PCDHGB3: variants seen among roughly 807,000 people sequenced by gnomAD.
PCDHGB3 encodes the protein protocadherin gamma subfamily B, 3.
Under a neutral mutation model 59.2 loss-of-function variants are expected in PCDHGB3, and 40 were observed. The ratio of observed to expected loss-of-function variants is 0.68; its 90% CI spans 0.52 to 0.88. The LOEUF is 0.88. Among genes scored for constraint, PCDHGB3 ranks in the 40% least tolerant of loss-of-function variants. PCDHGB3 has a pLI of 0.00. For synonymous variants in PCDHGB3, 581 were observed against 503.6 expected (o/e 1.15, Z -2.06); for missense variants, 1,309 against 1,187.9 (o/e 1.10, Z -1.50).
Position 141,510,964 on chromosome 5 carries a change from T to C in PCDHGB3, c.2581T>C (p.Ser861Pro), listed in dbSNP as rs1237904575. 6.2e-7 allele frequency: 1 copy of C among 1,614,084 alleles called. No individual in the cohort carries two copies. Among genetic ancestry groups the C allele is most frequent in the South Asian group, 1.1e-5 (1 of 91,082 alleles). The change falls in exon 4 of 4, where the codon TCC becomes CCC. Residue 861 changes from serine to proline, a missense_variant. Coordinates refer to ENST00000576222, the MANE Select transcript of PCDHGB3 (RefSeq NM_018924.5). ...CTCTGCAGAAGCTGCTGATGGGAGC[T>C]CCACCCTGGGAGGGGGTGCCGGCAC... is the stretch of plus-strand genomic sequence containing the variant. The part of the protein sequence containing the change: ...ASASEAADGS[S>P]TLGGGAGTMG...
At chr5:141,390,334 A>T (rs764594293) in intron 1 of PCDHGB3, 1 of 1,597,538 alleles carries the variant, frequency 6.3e-7, no homozygotes, top group Non-Finnish European at 8.5e-7. Flanking sequence ...ATTTCTCCAT[A>T]TTCACAAGAA....
chr5:141,421,970 A>C, intron 1 of PCDHGB3: 1 of 1,610,928 alleles, frequency 6.2e-7, no homozygotes, highest in Middle Eastern at 1.7e-4. Flanking sequence ...CAGTCCGTAT[A>C]TCGCGTGAGT....
rs755061180 is a variant in PCDHGB3 at position 141,370,594 on chromosome 5, G to A, written c.200G>A (p.Arg67Gln). ...GGGGATTTACCTACTAGGAACCTGC[G>A]GGTTATTGCAGAGAAGAAATTCTTT... Reference protein sequence around the residue: ...GVGDLPTRNLRVIAEKKFFTV... With the variant: ...GVGDLPTRNLQVIAEKKFFTV... The change falls in exon 1 of 4, where the codon CGG becomes CAG. Residue 67 changes from arginine to glutamine, a missense_variant. By Grantham distance (43) the Arg-to-Gln change is conservative (BLOSUM62 1). Coordinates refer to ENST00000576222, the MANE Select transcript of PCDHGB3 (RefSeq NM_018924.5). 2 of 1,613,892 alleles carry A rather than the reference G, an allele frequency of 1.2e-6. No individual in the cohort carries two copies. Among genetic ancestry groups the A allele is most frequent in the Admixed American group, 1.7e-5 (1 of 60,016 alleles).
Position 141,491,657 on chromosome 5 carries a change from A to T in PCDHGB3, c.2416-3150A>T. 1.2e-6 allele frequency: 2 copies of T among 1,613,740 alleles called. No homozygotes were observed. Among genetic ancestry groups the T allele is most frequent in the Non-Finnish European group, 1.7e-6 (2 of 1,180,006 alleles). On this transcript the variant is annotated intron_variant, in intron 1 of 3. Transcript: ENST00000576222. The surrounding 1 kb of genome is among the most constrained non-coding windows in gnomAD (Gnocchi z 6.9). ...CCCACAGCTCTGGCGCTGGAGCCTG[A>T]CGCCATCCGGTCCCGCTCTAATACG...
intron 1 of PCDHGB3, among the ~76,000 whole-genome samples, chr5:141,494,146 T>C (rs1167835696): frequency 1.3e-5 from 2 of 152,168 alleles, no homozygotes; most frequent in Non-Finnish European, 2.9e-5. Context: ...TCACAGACCA[T>C]TGTCTGGCAC....
intron 1 of PCDHGB3, chr5:141,404,551 G>A (rs764332245): frequency 1.9e-5 from 31 of 1,613,748 alleles, no homozygotes; most frequent in African/African-American, 1.1e-4. Flanking sequence ...TGCAGGTGAC[G>A]GCAAGTGACA....
chr5:141,445,363 T>C (rs186841717), intron 1 of PCDHGB3, among the ~76,000 whole-genome samples: 9 of 152,284 alleles, frequency 5.9e-5, no homozygotes. Context: ...CCAAGTCTGG[T>C]CCTGGGTGGT....
rs986276637 is a variant in PCDHGB3, at chr5:141,487,728, C to A, written c.2416-7079C>A. The A allele has an allele frequency of 3.2e-6, 5 of 1,570,444 alleles. No individual in the cohort carries two copies. The highest frequency in any genetic ancestry group is 2.3e-5 in the East Asian group (1 of 42,866). On this transcript the variant is annotated intron_variant, in intron 1 of 3. Transcript: ENST00000576222. The surrounding 1 kb of genome is among the most constrained non-coding windows in gnomAD (Gnocchi z 5.0). ...TCAGTAAGTGCCCATAGTGATGTCACCATTTTTGTAAGAGGTAACTATGTG... is the reference window on the plus strand; with the variant it reads ...TCAGTAAGTGCCCATAGTGATGTCAACATTTTTGTAAGAGGTAACTATGTG...
At chr5:141,396,954 C>G (rs2093459266) in intron 1 of PCDHGB3, among the ~76,000 whole-genome samples, 1 of 152,172 alleles carries the variant, frequency 6.6e-6, no homozygotes. Flanking sequence ...GAAAGAAAAT[C>G]CTTACTCTCC....
At chr5:141,505,579 G>A (rs1047837546) in intron 3 of PCDHGB3, 98 bp downstream of exon 3, 6 of 1,588,858 alleles carry the variant, frequency 3.8e-6, no homozygotes, top group Non-Finnish European at 4.3e-6. Flanking sequence ...TCAAACCTGT[G>A]TAGTTTCTCC....
chr5:141,477,890 C>T lies in PCDHGB3; in HGVS notation c.2416-16917C>T, dbSNP rs202114426. ...TACCTCAGCTGGCCACCTAGTGTCA[C>T]GGGTGGTAGGCTGGGACGCGGATGC... is the stretch of plus-strand genomic sequence containing the variant. On this transcript the variant is annotated intron_variant, in intron 1 of 3. Coordinates refer to ENST00000576222, the MANE Select transcript of PCDHGB3 (RefSeq NM_018924.5). This position sits in a 1 kb window ranked among gnomAD's most constrained non-coding sequence, Gnocchi z 4.9. 9.9e-6 allele frequency: 16 copies of T among 1,614,086 alleles called. No individual in the cohort carries two copies. Among genetic ancestry groups the T allele is most frequent in the Admixed American group, 1.7e-5 (1 of 60,006 alleles).
At chr5:141,458,891 G>A (rs775720263) in intron 1 of PCDHGB3, among the ~76,000 whole-genome samples, 10 of 151,976 alleles carry the variant, frequency 6.6e-5, no homozygotes, top group South Asian at 2.1e-4. Context: ...CACACCATGC[G>A]CAGCTAATTT....
intron 1 of PCDHGB3, chr5:141,479,399 T>C (rs2099494765): frequency 6.6e-6 from 1 of 152,576 alleles, no homozygotes; most frequent in African/African-American, 2.4e-5. Flanking sequence ...AGTTCTGGGC[T>C]GTGGTGCACT....
chr5:141,511,117 G>A lies in PCDHGB3; in HGVS notation c.2734G>A (p.Ala912Thr). Residue 912 changes from alanine to threonine, a missense_variant, in exon 4 of 4, where the codon GCC becomes ACC. Physicochemically the swap from Ala to Thr is moderately conservative, Grantham distance 58. Coordinates refer to ENST00000576222, the MANE Select transcript of PCDHGB3 (RefSeq NM_018924.5). ...TNAAGKRDGK[A>T]PAGGNGNKKK... ...CGCAGCTGGCAAGCGGGATGGCAAG[G>A]CCCCAGCAGGTGGCAATGGCAACAA... 6.2e-7 allele frequency: 1 copy of A among 1,614,216 alleles called. No homozygotes were observed. Among genetic ancestry groups the A allele is most frequent in the Non-Finnish European group, 8.5e-7 (1 of 1,180,026 alleles).
At chr5:141,478,133 G>T (rs769287158) in intron 1 of PCDHGB3, 1 of 1,614,060 alleles carries the variant, frequency 6.2e-7, no homozygotes, top group Non-Finnish European at 8.5e-7. Flanking sequence ...CTCTCCTGAA[G>T]CCCGAGCCGA....
chr5:141,414,792 C>T (rs2095788725), intron 1 of PCDHGB3: 6 of 1,614,230 alleles, frequency 3.7e-6, no homozygotes, highest in African/African-American at 2.7e-5. Flanking sequence ...TGACAGCCAG[C>T]GACAGCGGGG....
intron 1 of PCDHGB3, among the ~76,000 whole-genome samples, chr5:141,470,181 A>G (rs974401154): frequency 3.9e-5 from 6 of 152,236 alleles, no homozygotes; most frequent in African/African-American, 9.6e-5. Flanking sequence ...AAAATATTCA[A>G]GTAAACTTCA....
chr5:141,400,120 C>G, intron 1 of PCDHGB3: 1 of 1,614,076 alleles, frequency 6.2e-7, no homozygotes, highest in Non-Finnish European at 8.5e-7. Context: ...TGACAGCTTG[C>G]AGGAGGTGCT....
At chr5:141,414,622 C>T in intron 1 of PCDHGB3, 1 of 1,613,956 alleles carries the variant, frequency 6.2e-7, no homozygotes. Context: ...AGCGCTGGAC[C>T]CGGACAGCAA....
Sources: allele counts gnomAD v4.1 joint callset (sites outside exome capture counted in the v4.1 genomes callset), GRCh38; gene constraint gnomAD v4.1.1; non-coding constraint Gnocchi (gnomAD v3.1); transcripts MANE v1.5; gene names NCBI Gene and HGNC (gene_info 2026-07-23, HGNC 2026-07-21).